UGT1A1: variants seen among roughly 807,000 people sequenced by gnomAD.
The protein encoded by UGT1A1 is UDP-glucuronosyltransferase 1A1.
Under a neutral mutation model 40.6 loss-of-function variants are expected in UGT1A1, and 33 were observed. The observed-to-expected ratio is 0.81, with a 90% confidence interval of 0.62 to 1.09. The LOEUF is 1.09. UGT1A1 is among the 50% of genes least tolerant of loss of function. The pLI is 0.00. For missense variants in UGT1A1, 694 were observed against 671.2 expected, an observed-to-expected ratio of 1.03 and a Z score of -0.38; for synonymous variants, 249 against 265.0, an observed-to-expected ratio of 0.94 and a Z score of 0.59.
chr2:233,772,695 T>C lies in UGT1A1; in HGVS notation c.*136T>C. ...ATAAATTAATCAGCCCCAGAGTGCT[T>C]TAAAAAATTCTCTTAAATAAAAATA... is the stretch of plus-strand genomic sequence containing the variant. On this transcript the variant is annotated 3_prime_UTR_variant, in exon 5 of 5. Coordinates refer to ENST00000305208, the MANE Select transcript of UGT1A1 (RefSeq NM_000463.3). 2 of 1,484,740 alleles carry C rather than the reference T, an allele frequency of 1.3e-6. No individual in the cohort carries two copies. Among genetic ancestry groups the C allele is most frequent in the South Asian group, 2.7e-5 (2 of 74,364 alleles). The allele number at this position is 1,484,740 out of a possible 1,614,324, so 92.0% of individuals were successfully genotyped here. A position where few individuals can be genotyped will look rare whatever the true frequency, so the allele number is the denominator to read the frequency against.
chr2:233,767,045 C>G lies in UGT1A1; in HGVS notation c.876C>G (p.Ala292=), dbSNP rs900263261. 1.9e-6 allele frequency: 3 copies of G among 1,614,006 alleles called. No homozygotes were observed. The African/African-American group carries it at 4.0e-5, about 22-fold the overall frequency. The change falls in exon 2 of 5, where the codon GCC becomes GCG. Residue 292 remains alanine, a synonymous_variant. Coordinates refer to ENST00000305208, the MANE Select transcript of UGT1A1 (RefSeq NM_000463.3). ...HQNPLSQEFE[A]YINASGEHGI... is the part of the protein sequence containing the mutation. ...TCTTCTGGCTCTAGGAATTTGAAGC[C>G]TACATTAATGCTTCTGGAGAACATG...
intron 1 of UGT1A1, among the ~76,000 whole-genome samples, chr2:233,763,564 T>C (rs1698345105): frequency 6.6e-6 from 1 of 152,236 alleles, no homozygotes; most frequent in Non-Finnish European, 1.5e-5. Context: ...AAGTTACTGT[T>C]CTTATTTTCT....
Position 233,772,333 on chromosome 2 carries a change from T to C in UGT1A1, c.1376T>C (p.Val459Ala). The part of the protein sequence containing the change: ...DRPVEPLDLA[V>A]FWVEFVMRHK... Reference sequence around the variant, plus strand: ...CCGGTGGAGCCGCTGGACCTGGCCGTGTTCTGGGTGGAGTTTGTGATGAGG... The same window carrying C: ...CCGGTGGAGCCGCTGGACCTGGCCGCGTTCTGGGTGGAGTTTGTGATGAGG... The change falls in exon 5 of 5, where the codon GTG becomes GCG. Residue 459 changes from valine (V) to alanine (A), a missense_variant. Physicochemically the swap from Val to Ala is moderately conservative, Grantham distance 64 (BLOSUM62 0). Coordinates refer to ENST00000305208, the MANE Select transcript of UGT1A1 (RefSeq NM_000463.3). 6.2e-7 allele frequency: 1 copy of C among 1,614,126 alleles called. No individual in the cohort carries two copies. Among genetic ancestry groups the C allele is most frequent in the Non-Finnish European group, 8.5e-7 (1 of 1,180,008 alleles).
chr2:233,765,343 C>G (rs189255390), intron 1 of UGT1A1, among the ~76,000 whole-genome samples: 22 of 152,252 alleles, frequency 1.4e-4, no homozygotes, highest in African/African-American at 5.3e-4. Flanking sequence ...ATAACAAAGT[C>G]ATGGAACCAA....
intron 1 of UGT1A1, among the ~76,000 whole-genome samples, chr2:233,764,017 G>T (rs3771342): frequency 0.13 from 19,852 of 152,188 alleles, 1,421 homozygotes; most frequent in East Asian, 0.2. Flanking sequence ...GACCCACATG[G>T]TGTCTAAGTG....
Position 233,760,629 on chromosome 2 carries a change from G to T in UGT1A1, c.342G>T (p.Lys114Asn), listed in dbSNP as rs1330446381. 1 of 1,613,986 alleles carries T rather than the reference G, an allele frequency of 6.2e-7. No homozygotes were observed. Among genetic ancestry groups the T allele is most frequent in the Non-Finnish European group, 8.5e-7 (1 of 1,180,022 alleles). Residue 114 changes from lysine to asparagine, a missense_variant, in exon 1 of 5, where the codon AAG (lysine) becomes AAT (asparagine). Transcript: ENST00000305208. ...SFLQRVIKTY[K>N]KIKKDSAMLL... Reference sequence around the variant, plus strand: ...TGCAGCGTGTGATCAAAACATACAAGAAAATAAAAAAGGACTCTGCTATGC... The same window carrying T: ...TGCAGCGTGTGATCAAAACATACAATAAAATAAAAAAGGACTCTGCTATGC...
At chr2:233,763,667 A>G (rs1461035011) in intron 1 of UGT1A1, among the ~76,000 whole-genome samples, 2 of 152,194 alleles carry the variant, frequency 1.3e-5, no homozygotes, top group African/African-American at 4.8e-5. Context: ...AAAACTCCTG[A>G]ACTTTAAGAA....
At chr2:233,765,965 G>A (rs926314619) in intron 1 of UGT1A1, among the ~76,000 whole-genome samples, 1 of 152,142 alleles carries the variant, frequency 6.6e-6, no homozygotes, top group Admixed American at 6.5e-5. Flanking sequence ...AGTGTCTAGA[G>A]GTGGATGTTT....
At chr2:233,766,708 C>G (rs538087868) in intron 1 of UGT1A1, among the ~76,000 whole-genome samples, 1 of 152,196 alleles carries the variant, frequency 6.6e-6, no homozygotes, top group East Asian at 1.9e-4. Context: ...GCTCTGTGTT[C>G]TCTAAGTGGA....
intron 4 of UGT1A1, chr2:233,770,675 A>T (rs1188149827): frequency 6.6e-6 from 1 of 151,870 alleles, no homozygotes; most frequent in African/African-American, 2.4e-5. Flanking sequence ...AAAAAAAAAA[A>T]GAAGGTTCCA....
At chr2:233,767,478 T>C (rs1699401505) in intron 2 of UGT1A1, among the ~76,000 whole-genome samples, 1 of 152,246 alleles carries the variant, frequency 6.6e-6, no homozygotes, top group Admixed American at 6.5e-5. Flanking sequence ...TCATATTAAA[T>C]AGAAGTATTT....
At chr2:233,766,958 T>C in intron 1 of UGT1A1, 76 bp from the exon 2 acceptor site, 1 of 1,605,414 alleles carries the variant, frequency 6.2e-7, no homozygotes, top group Non-Finnish European at 8.5e-7. Context: ...GGAAGATATC[T>C]AATTCATAAC....
Position 233,769,607 on chromosome 2 carries a change from C to T in UGT1A1, c.1304+1168C>T. On this transcript the variant is annotated intron_variant, in intron 4 of 4. Transcript: ENST00000305208. The surrounding 1 kb of genome is among the most constrained non-coding windows in gnomAD (Gnocchi z 4.4). ...TGAGAGGAGACGGAACACGGGGACA[C>T]ACCAGCTTGAGCAAGGGACAACAGG... 6.2e-7 allele frequency: 1 copy of T among 1,612,808 alleles called. No individual in the cohort carries two copies. The highest frequency in any genetic ancestry group is 1.1e-5 in the South Asian group (1 of 91,046).
chr2:233,760,739 A>C lies in UGT1A1; in HGVS notation c.452A>C (p.Asp151Ala). Residue 151 changes from aspartate to alanine, a missense_variant, in exon 1 of 5, where the codon GAC becomes GCC. Asp to Ala is a moderately radical substitution (Grantham distance 126). Coordinates refer to ENST00000305208, the MANE Select transcript of UGT1A1 (RefSeq NM_000463.3). Reference protein sequence around the residue: ...AESSFDVMLTDPFLPCSPIVA... With the variant: ...AESSFDVMLTAPFLPCSPIVA... ...AGCAGCTTTGATGTCATGCTGACGG[A>C]CCCTTTCCTTCCTTGCAGCCCCATC... 1 of 1,613,934 alleles carries C rather than the reference A, an allele frequency of 6.2e-7. No homozygotes were observed. The highest frequency in any genetic ancestry group is 8.5e-7 in the Non-Finnish European group (1 of 1,179,966).
chr2:233,769,088 T>C lies in UGT1A1; in HGVS notation c.1304+649T>C, dbSNP rs1699789125. 2.0e-5 allele frequency among the ~76,000 whole-genome samples: 3 copies of C among 152,168 alleles called. No homozygotes were observed. Among genetic ancestry groups the C allele is most frequent in the African/African-American group, 7.2e-5 (3 of 41,420 alleles). The stretch of plus-strand genomic sequence containing the variant: ...AAGAAATACTCCATTATAAGAAGCA[T>C]AGTATCTTTAAGAGAAAAACAACTC... On this transcript the variant is annotated intron_variant, in intron 4 of 4. Coordinates refer to ENST00000305208, the MANE Select transcript of UGT1A1 (RefSeq NM_000463.3). This position sits in a 1 kb window ranked among gnomAD's most constrained non-coding sequence, Gnocchi z 4.4.
intron 1 of UGT1A1, among the ~76,000 whole-genome samples, chr2:233,766,449 C>T (rs1213957356): frequency 6.6e-6 from 1 of 152,156 alleles, no homozygotes; most frequent in Non-Finnish European, 1.5e-5. Flanking sequence ...TGTCTGCCTG[C>T]TAGGGTCTTG....
At chr2:233,765,980 C>T (rs987100848) in intron 1 of UGT1A1, among the ~76,000 whole-genome samples, 1 of 152,096 alleles carries the variant, frequency 6.6e-6, no homozygotes, top group African/African-American at 2.4e-5. Flanking sequence ...ATGTTTACAG[C>T]TCCTGAAGCT....
chr2:233,766,850 T>C (rs1248093383), intron 1 of UGT1A1, among the ~76,000 whole-genome samples, 184 bp from the exon 2 acceptor site: 1 of 152,222 alleles, frequency 6.6e-6, no homozygotes, highest in Non-Finnish European at 1.5e-5. Flanking sequence ...CTTCCTCCTT[T>C]AGAAGGAAGT....
In UGT1A1 at chr2:233,760,637, A is replaced by G. The variant is rs1399740159; in HGVS notation, c.350A>G (p.Lys117Arg). Reference protein sequence around the residue: ...QRVIKTYKKIKKDSAMLLSGC... With the variant: ...QRVIKTYKKIRKDSAMLLSGC... ...GTGATCAAAACATACAAGAAAATAA[A>G]AAAGGACTCTGCTATGCTTTTGTCT... The change falls in exon 1 of 5, where the codon AAA becomes AGA. Residue 117 changes from lysine (K) to arginine (R), a missense_variant. Physicochemically the swap from Lys to Arg is conservative, Grantham distance 26. Transcript: ENST00000305208. 6.2e-7 allele frequency: 1 copy of G among 1,614,182 alleles called. No homozygotes were observed. The highest frequency in any genetic ancestry group is 1.1e-5 in the South Asian group (1 of 91,078).
Sources: gnomAD v4.1 joint callset for allele counts (sites outside exome capture counted in the v4.1 genomes callset) on GRCh38, gnomAD v4.1.1 for gene constraint, Gnocchi (gnomAD v3.1) non-coding constraint, MANE v1.5 for transcripts, NCBI Gene and HGNC (gene_info 2026-07-23, HGNC 2026-07-21) for gene names.